The following MIR2052HG variants were observed in gnomAD, a reference collection of about 807,000 sequenced individuals.
MIR2052HG encodes MIR2052 host gene.
At chr8:74,749,281 C>G (rs1348609311) in intron 4 of MIR2052HG, among the ~76,000 whole-genome samples, 1 of 151,962 alleles carries the variant, frequency 6.6e-6, no homozygotes, top group Non-Finnish European at 1.5e-5. Context: ...TGCTGTAATT[C>G]ATTTAGATTC....
chr8:74,600,201 G>A (rs1277012848), intron 1 of MIR2052HG, among the ~76,000 whole-genome samples: 1 of 152,032 alleles, frequency 6.6e-6, no homozygotes, highest in Non-Finnish European at 1.5e-5. Context: ...CGTCACTCAC[G>A]CTGGGAGCTG....
chr8:74,746,830 T>C (rs1025794813), intron 4 of MIR2052HG, among the ~76,000 whole-genome samples: 4 of 151,950 alleles, frequency 2.6e-5, no homozygotes, highest in African/African-American at 9.7e-5. Flanking sequence ...AACAGTATGA[T>C]CAAGAAATAT....
chr8:74,631,430 T>C lies in MIR2052HG; in HGVS notation n.216+18490T>C, dbSNP rs576148177. Among the ~76,000 whole-genome samples the C allele has an allele frequency of 2.3e-4, 35 of 152,338 alleles. 2 individuals carry two copies. The South Asian group carries it at 7.3e-3, about 32-fold the overall frequency. The stretch of plus-strand genomic sequence containing the variant: ...TCTGAAAGCTTTGAGAGTTACTTGA[T>C]TTGTTTTTTATTCTTTTGACTTGAA... On this transcript the variant is annotated intron_variant and non_coding_transcript_variant, in intron 2 of 6. Transcript: ENST00000523442.
intron 2 of MIR2052HG, among the ~76,000 whole-genome samples, chr8:74,699,485 C>T (rs1051434701): frequency 6.6e-5 from 10 of 151,552 alleles, no homozygotes; most frequent in South Asian, 2.1e-4. Flanking sequence ...TAATGGCATT[C>T]GCAGCAACCT....
chr8:74,622,424 C>A (rs1475703741), intron 2 of MIR2052HG, among the ~76,000 whole-genome samples: 1 of 151,940 alleles, frequency 6.6e-6, no homozygotes, highest in African/African-American at 2.4e-5. Flanking sequence ...GCCAACATGG[C>A]AAAACCCTGT....
intron 4 of MIR2052HG, among the ~76,000 whole-genome samples, chr8:74,706,364 G>A (rs1345230045): frequency 6.6e-6 from 1 of 152,078 alleles, no homozygotes; most frequent in Non-Finnish European, 1.5e-5. Flanking sequence ...CCCCCTCTAA[G>A]TCATCCCTCA....
intron 2 of MIR2052HG, among the ~76,000 whole-genome samples, chr8:74,670,981 G>A (rs1009033553): frequency 2.7e-5 from 4 of 150,614 alleles, no homozygotes; most frequent in Non-Finnish European, 5.9e-5. Context: ...TACTCAATTA[G>A]GAGATATTTC....
intron 2 of MIR2052HG, among the ~76,000 whole-genome samples, chr8:74,649,422 G>A (rs1364103986): frequency 6.6e-6 from 1 of 152,076 alleles, no homozygotes; most frequent in African/African-American, 2.4e-5. Context: ...ATAGAATAGA[G>A]AGGAAGACAG....
chr8:74,717,327 G>A (rs1202285181), intron 4 of MIR2052HG, among the ~76,000 whole-genome samples: 1 of 152,062 alleles, frequency 6.6e-6, no homozygotes, highest in African/African-American at 2.4e-5. Flanking sequence ...CCCTGCAAAG[G>A]ACATGAACTC....
At chr8:74,629,785 A>C (rs946978357) in intron 2 of MIR2052HG, among the ~76,000 whole-genome samples, 1 of 151,834 alleles carries the variant, frequency 6.6e-6, no homozygotes, top group Non-Finnish European at 1.5e-5. Flanking sequence ...ATCAATGGTC[A>C]CTCCTCTTTG....
At chr8:74,641,967 G>A (rs1808643198) in intron 2 of MIR2052HG, among the ~76,000 whole-genome samples, 1 of 152,140 alleles carries the variant, frequency 6.6e-6, no homozygotes, top group Non-Finnish European at 1.5e-5. Flanking sequence ...AGTGCTGCTG[G>A]TGAGGCAGTA....
chr8:74,696,064 A>G (rs1431090580), intron 2 of MIR2052HG, among the ~76,000 whole-genome samples: 1 of 152,176 alleles, frequency 6.6e-6, no homozygotes, highest in African/African-American at 2.4e-5. Flanking sequence ...GATAAACCAT[A>G]TAATAGGCCA....
chr8:74,728,018 A>G (rs1413787923), intron 4 of MIR2052HG, among the ~76,000 whole-genome samples: 1 of 152,236 alleles, frequency 6.6e-6, no homozygotes, highest in Non-Finnish European at 1.5e-5. Flanking sequence ...CTGTACCTAC[A>G]TACTCTCAAT....
At chr8:74,750,020 A>G (rs1458617898) in intron 4 of MIR2052HG, among the ~76,000 whole-genome samples, 1 of 152,122 alleles carries the variant, frequency 6.6e-6, no homozygotes, top group Non-Finnish European at 1.5e-5. Context: ...CTTTTCTCTG[A>G]GAGTCTCAAA....
intron 4 of MIR2052HG, among the ~76,000 whole-genome samples, chr8:74,745,878 G>A (rs1219141118): frequency 6.6e-6 from 1 of 152,274 alleles, no homozygotes; most frequent in East Asian, 1.9e-4. Context: ...GTGCCAAGCA[G>A]GCTTTTAAGC....
intron 4 of MIR2052HG, among the ~76,000 whole-genome samples, chr8:74,738,060 CATTT>C (rs1809786912): frequency 6.6e-6 from 1 of 151,648 alleles, no homozygotes; most frequent in South Asian, 2.1e-4. Flanking sequence ...ATGTATCTAT[CATTT>C]ATGTATGTAT....
chr8:74,714,541 G>A (rs1408532757), intron 4 of MIR2052HG, among the ~76,000 whole-genome samples: 1 of 152,112 alleles, frequency 6.6e-6, no homozygotes, highest in Non-Finnish European at 1.5e-5. Flanking sequence ...ATGGTTTAAT[G>A]CTAGTGTGGT....
intron 2 of MIR2052HG, among the ~76,000 whole-genome samples, chr8:74,621,509 G>A (rs1444375250): frequency 1.3e-5 from 2 of 152,200 alleles, no homozygotes; most frequent in Non-Finnish European, 2.9e-5. Flanking sequence ...ATGGCAGAAG[G>A]CAAAGGAGAA....
intron 4 of MIR2052HG, among the ~76,000 whole-genome samples, chr8:74,713,937 A>T (rs1269978418): frequency 1.3e-5 from 2 of 152,094 alleles, no homozygotes; most frequent in East Asian, 3.9e-4. Flanking sequence ...CAAAAATCTT[A>T]TATCTGGGAG....
Sources: allele counts gnomAD v4.1 joint callset (sites outside exome capture counted in the v4.1 genomes callset), GRCh38; gene constraint gnomAD v4.1.1; transcripts MANE v1.5; gene names NCBI Gene and HGNC (gene_info 2026-07-23, HGNC 2026-07-21).